Variants in RAD51B observed in about 807,000 individuals in gnomAD.
The protein encoded by RAD51B is DNA repair protein RAD51 homolog 2.
RAD51B carries 38 observed loss-of-function variants against 42.2 expected under a neutral mutation model. That is an observed-to-expected ratio of 0.90 (90% CI 0.70 to 1.18). The LOEUF (loss-of-function observed/expected upper bound fraction) is 1.18, where lower values mean the gene tolerates loss of function less well. RAD51B is among the 50% of genes most tolerant of loss of function. RAD51B has a pLI of 0.00. For missense variants in RAD51B, 373 were observed against 400.7 expected, an observed-to-expected ratio of 0.93 and a Z score of 0.59; for synonymous variants, 154 against 145.2, an observed-to-expected ratio of 1.06 and a Z score of -0.43.
chr14:68,076,279 A>T (rs926062908), intron 7 of RAD51B, among the ~76,000 whole-genome samples: 2 of 151,998 alleles, frequency 1.3e-5, no homozygotes, highest in South Asian at 4.1e-4. Flanking sequence ...TGGAGGAGCT[A>T]TAAGTAGAGC....
At chr14:68,256,920 T>A (rs1486752496) in intron 7 of RAD51B, among the ~76,000 whole-genome samples, 1 of 152,226 alleles carries the variant, frequency 6.6e-6, no homozygotes, top group Non-Finnish European at 1.5e-5. Context: ...ATAAGTATAT[T>A]TCAAGAGCAA....
At chr14:68,621,265 T>C (rs1234606118) in intron 10 of RAD51B, among the ~76,000 whole-genome samples, 1 of 152,196 alleles carries the variant, frequency 6.6e-6, no homozygotes, top group African/African-American at 2.4e-5. Flanking sequence ...CCTCTATATT[T>C]TTCATCCAGG....
intron 11 of RAD51B, among the ~76,000 whole-genome samples, chr14:68,668,275 G>A (rs986552612): frequency 6.6e-6 from 1 of 152,198 alleles, no homozygotes; most frequent in Non-Finnish European, 1.5e-5. Context: ...AGCAAGTTCT[G>A]TCAGTCCTCA....
chr14:68,445,917 G>C (rs954096642), intron 9 of RAD51B, among the ~76,000 whole-genome samples: 2 of 152,194 alleles, frequency 1.3e-5, no homozygotes, highest in Non-Finnish European at 2.9e-5. Flanking sequence ...TAAGGTATTG[G>C]AGGCAATGAT....
At chr14:67,872,655 G>A (rs1463070390) in intron 5 of RAD51B, among the ~76,000 whole-genome samples, 5 of 151,846 alleles carry the variant, frequency 3.3e-5, no homozygotes, top group Admixed American at 6.6e-5. Flanking sequence ...AAAAGAACAA[G>A]GCTGGAGGCA....
chr14:68,250,974 AG>A (rs2080617658), intron 7 of RAD51B, among the ~76,000 whole-genome samples: 1 of 152,192 alleles, frequency 6.6e-6, no homozygotes, highest in African/African-American at 2.4e-5. Context: ...TATGTCCTTC[AG>A]TGTCAGTTTA....
At chr14:68,240,380 C>T (rs1429023354) in intron 7 of RAD51B, among the ~76,000 whole-genome samples, 5 of 152,074 alleles carry the variant, frequency 3.3e-5, no homozygotes, top group African/African-American at 4.8e-5. Context: ...TCAGGAAAAG[C>T]GGAGAGAAAA....
At chr14:67,979,684 A>G (rs368290279) in intron 7 of RAD51B, among the ~76,000 whole-genome samples, 1 of 152,100 alleles carries the variant, frequency 6.6e-6, no homozygotes, top group Non-Finnish European at 1.5e-5. Context: ...CCAAGCTTCT[A>G]CTATTATTAT....
At chr14:68,598,521 G>A (rs1022921500), downstream of RAD51B, among the ~76,000 whole-genome samples, 10 of 152,164 alleles carry the variant, frequency 6.6e-5, no homozygotes, top group Non-Finnish European at 1.0e-4. Flanking sequence ...GGAAAGTCCC[G>A]AATTTAGTGT....
At chr14:68,229,616 A>G (rs2080108243) in intron 7 of RAD51B, among the ~76,000 whole-genome samples, 1 of 152,192 alleles carries the variant, frequency 6.6e-6, no homozygotes, top group African/African-American at 2.4e-5. Context: ...GTTTCAGAGT[A>G]GGCAGTCTCC....
At chr14:68,419,384 C>T (rs1319623427) in intron 9 of RAD51B, among the ~76,000 whole-genome samples, 1 of 151,414 alleles carries the variant, frequency 6.6e-6, no homozygotes, top group Non-Finnish European at 1.5e-5. Context: ...TTATATCTCT[C>T]ATGACTTTCA....
At chr14:68,663,570 C>T (rs1288544548) in intron 11 of RAD51B, among the ~76,000 whole-genome samples, 1 of 152,226 alleles carries the variant, frequency 6.6e-6, no homozygotes, top group Non-Finnish European at 1.5e-5. Flanking sequence ...TTACGCATAA[C>T]TTGTAAGTAG....
chr14:68,104,891 A>G (rs935064879), intron 7 of RAD51B, among the ~76,000 whole-genome samples: 1 of 152,156 alleles, frequency 6.6e-6, no homozygotes. Flanking sequence ...AATCAAATGC[A>G]TGATTTTACT....
At chr14:68,585,326 A>G (rs965176531) in intron 10 of RAD51B, among the ~76,000 whole-genome samples, 28 of 152,206 alleles carry the variant, frequency 1.8e-4, no homozygotes, top group Admixed American at 1.8e-3. Flanking sequence ...TCACCATGGC[A>G]GGGAGGCCGG....
At chr14:68,383,743 C>G (rs1471088168) in intron 8 of RAD51B, among the ~76,000 whole-genome samples, 1 of 152,060 alleles carries the variant, frequency 6.6e-6, no homozygotes, top group Non-Finnish European at 1.5e-5. Flanking sequence ...TCTTCTTCAC[C>G]TGTGCATTCT....
intron 10 of RAD51B, among the ~76,000 whole-genome samples, chr14:68,579,367 A>G (rs1292599698): frequency 2.6e-5 from 4 of 152,214 alleles, no homozygotes; most frequent in Non-Finnish European, 5.9e-5. Context: ...CCTGGAGCAC[A>G]GAATGTAACG....
chr14:68,273,407 A>G (rs1380366626), intron 7 of RAD51B, among the ~76,000 whole-genome samples: 1 of 152,246 alleles, frequency 6.6e-6, no homozygotes, highest in Non-Finnish European at 1.5e-5. Context: ...CAAATTATTG[A>G]TCCTACAGTG....
At chr14:67,934,787 G>T (rs1408004039) in intron 7 of RAD51B, among the ~76,000 whole-genome samples, 2 of 152,178 alleles carry the variant, frequency 1.3e-5, no homozygotes, top group Admixed American at 6.5e-5. Context: ...GGAGCATGTT[G>T]TTCCATCCCT....
intron 7 of RAD51B, among the ~76,000 whole-genome samples, chr14:68,260,318 T>TGGGGGGGGGGGGGGGGGGGGGGGGGG (rs1555383082): frequency 7.8e-6 from 1 of 128,044 alleles, no homozygotes; most frequent in African/African-American, 4.9e-5. Flanking sequence ...TGTGTGTGTG[T>TGGGGGGGGGGGGGGGGGGGGGGGGGG]GGAGAGGGGA....
Sources: gnomAD v4.1 joint callset for allele counts (sites outside exome capture counted in the v4.1 genomes callset) on GRCh38, gnomAD v4.1.1 for gene constraint, MANE v1.5 for transcripts, NCBI Gene and HGNC (gene_info 2026-07-23, HGNC 2026-07-21) for gene names.